The following USP25 variants were observed in gnomAD, a reference collection of about 807,000 sequenced individuals.
USP25 encodes ubiquitin carboxyl-terminal hydrolase 25.
In USP25, 85 loss-of-function variants were observed where a neutral mutation model predicts 158.5. That is an observed-to-expected ratio of 0.54 (90% CI 0.45 to 0.64). USP25 has a LOEUF of 0.64. USP25 is among the 30% of genes least tolerant of loss of function. USP25 has a pLI of 0.00. For synonymous variants in USP25, 464 were observed against 460.4 expected (o/e 1.01, Z -0.10); for missense variants, 1,242 against 1,327.3 (o/e 0.94, Z 1.00).
At chr21:15,762,447 ATCT>A (rs1034626891) in intron 1 of USP25, among the ~76,000 whole-genome samples, 3 of 152,138 alleles carry the variant, frequency 2.0e-5, no homozygotes, top group Admixed American at 6.5e-5. Context: ...CAGTGAAATG[ATCT>A]TCTTTTTAAA....
intron 5 of USP25, among the ~76,000 whole-genome samples, chr21:15,798,937 T>C (rs1394891897): frequency 6.6e-6 from 1 of 151,242 alleles, no homozygotes; most frequent in Non-Finnish European, 1.5e-5. Flanking sequence ...ACTTCCTGTA[T>C]AGTAATTTTC....
chr21:15,746,673 G>C (rs1309775773), intron 1 of USP25, among the ~76,000 whole-genome samples: 1 of 152,256 alleles, frequency 6.6e-6, no homozygotes, highest in East Asian at 1.9e-4. Context: ...TGGGATTACA[G>C]TTGTGAGCCA....
intron 1 of USP25, among the ~76,000 whole-genome samples, chr21:15,752,890 A>G (rs1182718642): frequency 4.6e-5 from 7 of 152,188 alleles, no homozygotes; most frequent in Non-Finnish European, 8.8e-5. Flanking sequence ...AAAAACTTCA[A>G]TCTGTGACAG....
chr21:15,775,778 A>G (rs2034620385), intron 3 of USP25, among the ~76,000 whole-genome samples: 1 of 58,554 alleles, frequency 1.7e-5, no homozygotes, highest in Non-Finnish European at 3.3e-5. Flanking sequence ...TCTGCCTTCC[A>G]TGTCTCGTGT....
chr21:15,750,326 G>T (rs1473127585), intron 1 of USP25, among the ~76,000 whole-genome samples: 1 of 150,208 alleles, frequency 6.7e-6, no homozygotes, highest in Non-Finnish European at 1.5e-5. Flanking sequence ...CCGTCTCCCT[G>T]GTTCAAGCAA....
chr21:15,810,723 A>C (rs1032140153), intron 8 of USP25, among the ~76,000 whole-genome samples: 13 of 152,176 alleles, frequency 8.5e-5, no homozygotes, highest in African/African-American at 3.1e-4. Context: ...ATAACCTATC[A>C]AAATTTTGTA....
intron 4 of USP25, 102 bp from the exon 5 acceptor site, chr21:15,791,400 C>A: frequency 8.2e-7 from 1 of 1,222,552 alleles, no homozygotes; most frequent in Non-Finnish European, 1.1e-6. Context: ...TCTTCAAATA[C>A]ATTATTGAAA....
chr21:15,860,967 T>TAGAGAG lies in USP25; in HGVS notation c.2548-3300_2548-3299insGAGAGA, dbSNP rs1285954666. Among the ~76,000 whole-genome samples, 440 of 141,268 alleles carry TAGAGAG rather than the reference T, an allele frequency of 3.1e-3. 1 individual carries two copies. Among genetic ancestry groups the TAGAGAG allele is most frequent in the African/African-American group, 7.5e-3 (291 of 39,024 alleles). 92.7% of individuals were successfully genotyped at this position (141,268 alleles called of 152,430 possible). A position where few individuals can be genotyped will look rare whatever the true frequency, so the allele number is the denominator to read the frequency against. On this transcript the variant is annotated intron_variant, in intron 20 of 25. Transcript: ENST00000400183. ...TTTGGTATCTTCATATATATATATA[T>TAGAGAG]ATATATATAGAGAGAGAGAGAGAGA...
At chr21:15,741,091 T>G (rs2032008466) in intron 1 of USP25, among the ~76,000 whole-genome samples, 1 of 152,082 alleles carries the variant, frequency 6.6e-6, no homozygotes, top group Non-Finnish European at 1.5e-5. Flanking sequence ...GTAGATCAGT[T>G]TTGGCTGTTC....
chr21:15,791,091 A>G (rs979953536), intron 4 of USP25, among the ~76,000 whole-genome samples: 2 of 151,808 alleles, frequency 1.3e-5, no homozygotes, highest in Non-Finnish European at 2.9e-5. Context: ...TAAAAGTGCA[A>G]CTTGTTCAGT....
At chr21:15,808,546 T>TTGTGTG (rs35849786) in intron 7 of USP25, among the ~76,000 whole-genome samples, 10,488 of 148,416 alleles carry the variant, frequency 0.071, 336 homozygotes, top group Non-Finnish European at 0.078. Flanking sequence ...TGGTTTTTGA[T>TTGTGTG]TGTGTGTGTG....
chr21:15,746,413 G>T (rs938302985), intron 1 of USP25, among the ~76,000 whole-genome samples: 1 of 152,088 alleles, frequency 6.6e-6, no homozygotes, highest in Non-Finnish European at 1.5e-5. Flanking sequence ...TGATGCTATT[G>T]TAAGTGGTAT....
chr21:15,853,295 A>T (rs9653666), intron 20 of USP25, among the ~76,000 whole-genome samples: 1 of 151,514 alleles, frequency 6.6e-6, no homozygotes, highest in African/African-American at 2.4e-5. Flanking sequence ...ATGTGTACAC[A>T]TGTGTACACA....
Position 15,766,412 on chromosome 21 carries a change from A to T in USP25, c.268+271A>T, listed in dbSNP as rs1029317539. ...GAATAGCTGCAGATATATTCATAAA[A>T]GGAAGAACTAGAATTTTTAGTGGGC... On this transcript the variant is annotated intron_variant, in intron 3 of 25. Coordinates refer to ENST00000400183, the MANE Select transcript of USP25 (RefSeq NM_001283041.3). This position sits in a 1 kb window ranked among gnomAD's most constrained non-coding sequence, Gnocchi z 4.0. 6.6e-6 allele frequency among the ~76,000 whole-genome samples: 1 copy of T among 152,098 alleles called. No homozygotes were observed. The highest frequency in any genetic ancestry group is 2.4e-5 in the African/African-American group (1 of 41,466).
intron 16 of USP25, among the ~76,000 whole-genome samples, chr21:15,833,108 C>A (rs1205835122): frequency 6.6e-6 from 1 of 152,040 alleles, no homozygotes; most frequent in Non-Finnish European, 1.5e-5. Flanking sequence ...AAATCTGAGA[C>A]CATTACCTAT....
At chr21:15,746,467 T>G (rs1293758023) in intron 1 of USP25, among the ~76,000 whole-genome samples, 1 of 152,230 alleles carries the variant, frequency 6.6e-6, no homozygotes, top group Non-Finnish European at 1.5e-5. Context: ...AGTCTCACTT[T>G]CACTGCAACC....
At position 15,811,332 on chromosome 21, in the gene USP25, T is replaced by C. The variant is rs1216170141; in HGVS notation, c.931+122T>C. On this transcript the variant is annotated intron_variant, in intron 9 of 25. Transcript: ENST00000400183. Reference sequence around the variant, plus strand: ...TAATTTGATATATTCTGTCTAGTAATTTTTGTTGGATTGCTACTGTTATTC... The same window carrying C: ...TAATTTGATATATTCTGTCTAGTAACTTTTGTTGGATTGCTACTGTTATTC... The C allele has an allele frequency of 3.5e-6, 3 of 869,276 alleles. No individual in the cohort carries two copies. The East Asian group carries it at 8.2e-5, about 24-fold the overall frequency. The allele number at this position is 869,276 out of a possible 1,614,324, so 53.8% of individuals were successfully genotyped here.
chr21:15,852,677 G>A (rs937468655), intron 20 of USP25, among the ~76,000 whole-genome samples: 17 of 152,000 alleles, frequency 1.1e-4, no homozygotes, highest in Admixed American at 1.3e-4. Flanking sequence ...TAACTCATTT[G>A]TTAGAAATTG....
chr21:15,805,291 A>G, intron 7 of USP25, 33 bp downstream of exon 7: 2 of 1,547,018 alleles, frequency 1.3e-6, no homozygotes, highest in Non-Finnish European at 8.7e-7. Flanking sequence ...TTCATTAACC[A>G]TTTGTATTTA....
Sources: allele counts gnomAD v4.1 joint callset (sites outside exome capture counted in the v4.1 genomes callset), GRCh38; gene constraint gnomAD v4.1.1; non-coding constraint Gnocchi (gnomAD v3.1); transcripts MANE v1.5; gene names NCBI Gene and HGNC (gene_info 2026-07-23, HGNC 2026-07-21).